Variants in MON2 observed in about 807,000 individuals in gnomAD.
The protein encoded by MON2 is protein MON2 homolog.
MON2 carries 84 observed loss-of-function variants against 208.6 expected under a neutral mutation model. The observed-to-expected ratio is 0.40, with a 90% CI of 0.34 to 0.48. The LOEUF (loss-of-function observed/expected upper bound fraction) is 0.48, where lower values mean the gene tolerates loss of function less well. MON2 is among the 20% of genes least tolerant of loss of function. MON2 has a pLI of 0.59. For missense variants in MON2, 1,611 were observed against 2,015.4 expected (o/e 0.80, Z 3.84); for synonymous variants, 660 against 694.0 (o/e 0.95, Z 0.77).
chr12:62,524,038 A>G (rs566125300), intron 8 of MON2, among the ~76,000 whole-genome samples: 24 of 152,192 alleles, frequency 1.6e-4, no homozygotes, highest in Admixed American at 9.8e-4. Flanking sequence ...ACATCTGTCA[A>G]CTGCTATAGG....
intron 8 of MON2, among the ~76,000 whole-genome samples, chr12:62,515,763 C>T (rs994894729): frequency 5.3e-5 from 8 of 151,288 alleles, no homozygotes; most frequent in Non-Finnish European, 8.8e-5. Context: ...TGCAGTGAAC[C>T]GAGATCACAC....
At chr12:62,530,492 A>G (rs1393265306) in intron 11 of MON2, among the ~76,000 whole-genome samples, 2 of 151,974 alleles carry the variant, frequency 1.3e-5, no homozygotes. Context: ...CAGCCTCCCA[A>G]AGTGCTGGGA....
rs373912671 is a variant in MON2 at position 62,565,218 on chromosome 12, T to G, written c.4033-19T>G. 49 of 1,608,522 alleles carry G rather than the reference T, an allele frequency of 3.0e-5. No homozygotes were observed. The Middle Eastern group carries it at 1.5e-3, about 49-fold the overall frequency. ...GAGTTCAGATTATGCATTCTAATGT[T>G]CTTATTTTGCTTTTATAGGCCATTT... On this transcript the variant is annotated intron_variant, in intron 26 of 34. Coordinates refer to ENST00000393630, the MANE Select transcript of MON2 (RefSeq NM_015026.3).
At chr12:62,470,311 T>C (rs190166965) in intron 1 of MON2, among the ~76,000 whole-genome samples, 1 of 152,228 alleles carries the variant, frequency 6.6e-6, no homozygotes, top group African/African-American at 2.4e-5. Flanking sequence ...TTTACTGATA[T>C]TTACTTACTG....
chr12:62,467,891 G>C (rs74098031), intron 1 of MON2, among the ~76,000 whole-genome samples: 3,437 of 152,080 alleles, frequency 0.023, 131 homozygotes, highest in African/African-American at 0.08. Context: ...AGTTGGGCTT[G>C]CAGTCAGAGC....
intron 1 of MON2, among the ~76,000 whole-genome samples, chr12:62,470,126 C>G (rs1421217574): frequency 6.6e-6 from 1 of 151,912 alleles, no homozygotes; most frequent in Non-Finnish European, 1.5e-5. Context: ...AGGCTTGTCT[C>G]CAACTCCTGC....
Position 62,538,165 on chromosome 12 carries a change from G to A in MON2, c.2188G>A (p.Gly730Arg). ...CTTGAAACCTGGGAGAGCTGTAGAA[G>A]GACCCAGTACAGTAAGCTCTAGTCT... is the stretch of plus-strand genomic sequence containing the variant. ...GALKPGRAVEGPSTVLTTAVM... is the reference protein window; with the variant it reads ...GALKPGRAVERPSTVLTTAVM... Residue 730 changes from glycine (G) to arginine (R), a missense_variant, in exon 17 of 35, where the codon GGA becomes AGA. Coordinates refer to ENST00000393630, the MANE Select transcript of MON2 (RefSeq NM_015026.3). 1 of 1,613,616 alleles carries A rather than the reference G, an allele frequency of 6.2e-7. No individual in the cohort carries two copies. The highest frequency in any genetic ancestry group is 8.5e-7 in the Non-Finnish European group (1 of 1,179,712).
intron 34 of MON2, among the ~76,000 whole-genome samples, 191 bp from the exon 35 acceptor site, chr12:62,592,395 T>C (rs1166052493): frequency 6.6e-6 from 1 of 152,182 alleles, no homozygotes; most frequent in Non-Finnish European, 1.5e-5. Flanking sequence ...TGAGCATATA[T>C]TTTTTCCCAT....
At position 62,496,577 on chromosome 12, in the gene MON2, T is replaced by C. The variant is rs147463223; in HGVS notation, c.435+1430T>C. On this transcript the variant is annotated intron_variant, in intron 4 of 34. Coordinates refer to ENST00000393630, the MANE Select transcript of MON2 (RefSeq NM_015026.3). The stretch of plus-strand genomic sequence containing the variant: ...ATTATGTTTTTCTCCAAGAATGACT[T>C]CTTTTAAAAGTAGAAAACTTTTGGA... 5.7e-4 allele frequency among the ~76,000 whole-genome samples: 87 copies of C among 152,348 alleles called. 1 individual carries two copies. In the East Asian group the frequency reaches 0.014, roughly 24 times the overall value.
chr12:62,565,512 G>C, intron 27 of MON2, 132 bp downstream of exon 27: 1 of 798,522 alleles, frequency 1.3e-6, no homozygotes, highest in South Asian at 2.0e-5. Flanking sequence ...ATACATGTCT[G>C]TTAGCAGTTT....
intron 31 of MON2, among the ~76,000 whole-genome samples, chr12:62,579,507 A>T (rs994251240): frequency 6.6e-6 from 1 of 151,396 alleles, no homozygotes; most frequent in Non-Finnish European, 1.5e-5. Flanking sequence ...GCAGACCATG[A>T]GGTCAGGAGA....
chr12:62,594,868 G>A lies in MON2; in HGVS notation c.*2119G>A, dbSNP rs916593216. On this transcript the variant is annotated 3_prime_UTR_variant, in exon 35 of 35. Coordinates refer to ENST00000393630, the MANE Select transcript of MON2 (RefSeq NM_015026.3). ...GGTGGCCCCCTTGGTAGTATAATTG[G>A]ACAGGATTTTCCTCCAGAATATTTC... 1 of 152,114 alleles carries A rather than the reference G, an allele frequency of 6.6e-6. No individual in the cohort carries two copies. The highest frequency in any genetic ancestry group is 2.4e-5 in the African/African-American group (1 of 41,420). The allele number at this position is 152,114 out of a possible 1,614,324, so 9.4% of individuals were successfully genotyped here. A position where few individuals can be genotyped will look rare whatever the true frequency, so the allele number is the denominator to read the frequency against.
chr12:62,478,121 TTGTGTGTGTGTGTG>T (rs59861392), intron 1 of MON2, among the ~76,000 whole-genome samples: 3 of 149,690 alleles, frequency 2.0e-5, no homozygotes, highest in African/African-American at 4.9e-5. Context: ...TAGATATAAT[TTGTGTGTGTGTGTG>T]TGTGTGTGTG....
intron 1 of MON2, among the ~76,000 whole-genome samples, chr12:62,471,808 G>T (rs2068804318): frequency 6.6e-6 from 1 of 152,152 alleles, no homozygotes; most frequent in Non-Finnish European, 1.5e-5. Flanking sequence ...AAGTTTCAGT[G>T]GCATAAGTAT....
chr12:62,471,224 C>T (rs537104637), intron 1 of MON2, among the ~76,000 whole-genome samples: 12 of 152,274 alleles, frequency 7.9e-5, no homozygotes, highest in Non-Finnish European at 1.6e-4. Context: ...GTCTCTGTTG[C>T]CAGGCTGGAG....
intron 21 of MON2, among the ~76,000 whole-genome samples, chr12:62,545,224 C>T (rs1468927234): frequency 6.6e-6 from 1 of 151,892 alleles, no homozygotes; most frequent in Non-Finnish European, 1.5e-5. Context: ...TGACACTAAC[C>T]TAAGTTAAAT....
chr12:62,495,191 T>A, intron 4 of MON2, 44 bp downstream of exon 4: 1 of 1,522,884 alleles, frequency 6.6e-7, no homozygotes, highest in Non-Finnish European at 8.9e-7. Flanking sequence ...TTTGAGACAG[T>A]ATTTGAATAA....
Position 62,596,969 on chromosome 12 carries a change from A to T in MON2, c.*4220A>T, listed in dbSNP as rs545108064. 1 of 152,336 alleles carries T rather than the reference A, an allele frequency of 6.6e-6. No individual in the cohort carries two copies. The highest frequency in any genetic ancestry group is 2.1e-4 in the South Asian group (1 of 4,828). 9.4% of individuals were successfully genotyped at this position (152,336 alleles called of 1,614,324 possible). ...TGGTCATCTCGACTAATTCTGAGGC[A>T]ATGATGGACAGAGATGCTACTTCTT... On this transcript the variant is annotated 3_prime_UTR_variant, in exon 35 of 35. Transcript: ENST00000393630.
At chr12:62,533,782 C>G (rs910034153) in intron 12 of MON2, among the ~76,000 whole-genome samples, 5 of 152,128 alleles carry the variant, frequency 3.3e-5, no homozygotes, top group Non-Finnish European at 7.4e-5. Context: ...ACACACACCC[C>G]CACACACAAG....
Sources: gnomAD v4.1 joint callset for allele counts (sites outside exome capture counted in the v4.1 genomes callset) on GRCh38, gnomAD v4.1.1 for gene constraint, MANE v1.5 for transcripts, NCBI Gene and HGNC (gene_info 2026-07-23, HGNC 2026-07-21) for gene names.